Variants in EYS observed in about 807,000 individuals in gnomAD.
EYS encodes EGF-like photoreceptor maintenance factor.
A neutral mutation model predicts 282.1 loss-of-function variants in EYS; 250 were observed. That is an observed-to-expected ratio of 0.89 (90% CI 0.80 to 0.98). EYS has a LOEUF of 0.98. EYS is among the 50% of genes least tolerant of loss of function. The pLI is 0.00. For synonymous variants in EYS, 1,355 were observed against 1,282.9 expected (o/e 1.06, Z -1.20); for missense variants, 4,016 against 3,709.0 (o/e 1.08, Z -2.15).
At chr6:65,597,850 C>T (rs192351837) in intron 2 of EYS, among the ~76,000 whole-genome samples, 3 of 152,126 alleles carry the variant, frequency 2.0e-5, no homozygotes, top group African/African-American at 7.2e-5. Flanking sequence ...CCTGTAATCC[C>T]AATACTTTGG....
intron 33 of EYS, among the ~76,000 whole-genome samples, chr6:64,016,125 G>A (rs926197033): frequency 1.1e-4 from 16 of 152,204 alleles, no homozygotes; most frequent in African/African-American, 3.6e-4. Context: ...CAACCAATCA[G>A]GACAGACTGG....
At chr6:64,497,760 T>C (rs1776934933) in intron 26 of EYS, among the ~76,000 whole-genome samples, 1 of 151,812 alleles carries the variant, frequency 6.6e-6, no homozygotes, top group African/African-American at 2.4e-5. Context: ...TATAAAAGAG[T>C]GATTAATGAT....
intron 26 of EYS, among the ~76,000 whole-genome samples, chr6:64,449,219 C>T (rs539341988): frequency 6.6e-6 from 1 of 152,156 alleles, no homozygotes; most frequent in South Asian, 2.1e-4. Flanking sequence ...GCACAAGCCT[C>T]AGTAACCAAT....
intron 12 of EYS, among the ~76,000 whole-genome samples, chr6:65,122,443 G>C (rs1256501359): frequency 6.6e-6 from 1 of 152,102 alleles, no homozygotes; most frequent in Non-Finnish European, 1.5e-5. Context: ...GTTATGAAGA[G>C]CGTGTCAATG....
At chr6:65,594,064 T>C (rs1765320539) in intron 2 of EYS, among the ~76,000 whole-genome samples, 1 of 151,816 alleles carries the variant, frequency 6.6e-6, no homozygotes, top group African/African-American at 2.4e-5. Context: ...AAATAATGAG[T>C]TGATAGTTAT....
rs117992215 is a variant in EYS at position 64,032,636 on chromosome 6, A to C, written c.6726-33453T>G. ...TAGTGGGTCTCTAGATTACCTATACATTTGTCTGGCTTGGCTACAAATTGG... is the reference window on the plus strand; with the variant it reads ...TAGTGGGTCTCTAGATTACCTATACCTTTGTCTGGCTTGGCTACAAATTGG... On this transcript the variant is annotated intron_variant, in intron 33 of 42. Transcript: ENST00000503581. 1.6e-3 allele frequency among the ~76,000 whole-genome samples: 241 copies of C among 152,270 alleles called. 2 individuals carry two copies. The East Asian group carries it at 0.036, about 23-fold the overall frequency.
intron 31 of EYS, among the ~76,000 whole-genome samples, chr6:64,140,524 C>G (rs796509998): frequency 3.3e-5 from 5 of 152,294 alleles, no homozygotes; most frequent in African/African-American, 1.2e-4. Flanking sequence ...ATATTACCTT[C>G]TGATGACCAT....
intron 28 of EYS, among the ~76,000 whole-genome samples, chr6:64,418,750 T>A (rs1157317677): frequency 6.6e-6 from 1 of 151,592 alleles, no homozygotes; most frequent in Non-Finnish European, 1.5e-5. Flanking sequence ...TTGGAATATA[T>A]GACTATAATT....
chr6:64,074,521 C>T (rs1030870809), intron 32 of EYS, among the ~76,000 whole-genome samples: 4 of 151,522 alleles, frequency 2.6e-5, no homozygotes, highest in African/African-American at 9.7e-5. Flanking sequence ...TGGTACCACT[C>T]CCATTAAACA....
chr6:64,082,680 A>G (rs1562191309), intron 31 of EYS, among the ~76,000 whole-genome samples: 1 of 152,128 alleles, frequency 6.6e-6, no homozygotes, highest in East Asian at 1.9e-4. Context: ...GTTATTTTAT[A>G]AGTAGTATTA....
intron 12 of EYS, among the ~76,000 whole-genome samples, chr6:65,281,307 A>T (rs1281702659): frequency 6.7e-6 from 1 of 149,494 alleles, no homozygotes; most frequent in African/African-American, 2.6e-5. Flanking sequence ...ATTAAAGATA[A>T]ATGTTAATAT....
At chr6:65,621,226 A>T (rs1766479425) in intron 2 of EYS, among the ~76,000 whole-genome samples, 1 of 151,916 alleles carries the variant, frequency 6.6e-6, no homozygotes, top group Non-Finnish European at 1.5e-5. Flanking sequence ...GCTTTATGAA[A>T]CTTGGTGCTC....
chr6:64,824,117 T>C (rs1764979381), intron 19 of EYS, among the ~76,000 whole-genome samples: 1 of 151,874 alleles, frequency 6.6e-6, no homozygotes, highest in Non-Finnish European at 1.5e-5. Flanking sequence ...CCAATGTTAA[T>C]GAAGCATACT....
chr6:64,088,045 T>C (rs1449599237), intron 31 of EYS, among the ~76,000 whole-genome samples: 1 of 152,084 alleles, frequency 6.6e-6, no homozygotes, highest in Admixed American at 6.6e-5. Context: ...ATGAAAATTA[T>C]GACAGGAAAC....
intron 33 of EYS, among the ~76,000 whole-genome samples, chr6:64,034,623 C>T (rs1735971629): frequency 1.3e-5 from 2 of 152,180 alleles, no homozygotes; most frequent in Admixed American, 6.5e-5. Context: ...GAGTAGGACA[C>T]AGATGCCAAG....
At chr6:64,302,907 C>T (rs1442269099) in intron 30 of EYS, among the ~76,000 whole-genome samples, 3 of 152,102 alleles carry the variant, frequency 2.0e-5, no homozygotes, top group Non-Finnish European at 4.4e-5. Flanking sequence ...CTTGTTTTCA[C>T]ACCCCCTCAG....
rs140499830 is a variant in EYS, at chr6:64,591,674, A to C, written c.4193T>G (p.Leu1398Ter). 6.4e-7 allele frequency: 1 copy of C among 1,551,360 alleles called. No individual in the cohort carries two copies. The highest frequency in any genetic ancestry group is 8.7e-7 in the Non-Finnish European group (1 of 1,146,764). ...RARTPFIMSS[L>*]MSDFIFPTQS... Reference sequence around the variant, plus strand: ...TGTAGGAAAAATAAAATCTGACATTAAGGAAGACATGATAAATGGGGTCCT... The same window carrying C: ...TGTAGGAAAAATAAAATCTGACATTCAGGAAGACATGATAAATGGGGTCCT... The change falls in exon 26 of 43, where the codon TTA becomes TGA. Residue 1398 changes from leucine (L) to a stop codon, truncating the protein, a stop_gained. Transcript: ENST00000503581. LOFTEE classifies it high-confidence loss of function.
chr6:64,688,337 T>G (rs1403600052), intron 22 of EYS, among the ~76,000 whole-genome samples: 2 of 152,200 alleles, frequency 1.3e-5, no homozygotes, highest in Non-Finnish European at 2.9e-5. Flanking sequence ...TTTTAGATCT[T>G]CCTGCTTTCT....
intron 5 of EYS, chr6:65,489,901 T>A (rs1377239305): frequency 4.6e-5 from 7 of 152,184 alleles, no homozygotes; most frequent in African/African-American, 1.4e-4. Flanking sequence ...CGCTGGAAGT[T>A]CTCAGTCATA....
Sources: allele counts gnomAD v4.1 joint callset (sites outside exome capture counted in the v4.1 genomes callset), GRCh38; gene constraint gnomAD v4.1.1; transcripts MANE v1.5; gene names NCBI Gene and HGNC (gene_info 2026-07-23, HGNC 2026-07-21).